Variants in MGAT4C observed in about 807,000 individuals in gnomAD.
The protein encoded by MGAT4C is MGAT4 family member C.
MGAT4C carries 19 observed loss-of-function variants against 40.1 expected under a neutral mutation model. The ratio of observed to expected loss-of-function variants is 0.47; its 90% CI spans 0.33 to 0.70. The LOEUF is 0.70. Ranked by LOEUF, MGAT4C falls within the 30% of genes least tolerant of loss-of-function variation. The probability of loss-of-function intolerance (pLI) is 0.02; values close to 1 mark genes in which losing one functional copy is unlikely to be tolerated. For synonymous variants in MGAT4C, 181 were observed against 187.1 expected, an observed-to-expected ratio of 0.97 and a Z score of 0.27; for missense variants, 491 against 563.2, an observed-to-expected ratio of 0.87 and a Z score of 1.30.
At chr12:86,292,954 T>C (rs1047815697) in intron 4 of MGAT4C, among the ~76,000 whole-genome samples, 2 of 152,122 alleles carry the variant, frequency 1.3e-5, no homozygotes, top group Non-Finnish European at 2.9e-5. Flanking sequence ...CTAGTTCATA[T>C]GTAATTTGAC....
chr12:86,230,067 G>A lies in MGAT4C; in HGVS notation c.-57+26172C>T, dbSNP rs559054565. On this transcript the variant is annotated intron_variant, in intron 1 of 4. Transcript: ENST00000611864. ...CCAGTAGAATGCAAGGTACACAAAA[G>A]GCAAGGATTCAGTTGGCTTTATGTA... Among the ~76,000 whole-genome samples, 451 of 152,082 alleles carry A rather than the reference G, an allele frequency of 3.0e-3. 2 individuals are homozygous for A. Among genetic ancestry groups the A allele is most frequent in the African/African-American group, 0.01 (431 of 41,524 alleles).
intron 1 of MGAT4C, among the ~76,000 whole-genome samples, chr12:86,146,856 A>G (rs772642776): frequency 6.6e-6 from 1 of 151,852 alleles, no homozygotes; most frequent in Non-Finnish European, 1.5e-5. Context: ...CCAGATTATA[A>G]CATGTACTTT....
chr12:86,315,364 C>G (rs1954180815), intron 4 of MGAT4C, among the ~76,000 whole-genome samples: 1 of 152,098 alleles, frequency 6.6e-6, no homozygotes, highest in African/African-American at 2.4e-5. Context: ...AAAAATAACT[C>G]AAGATGGAAT....
rs192255840 is a variant in MGAT4C at position 85,983,612 on chromosome 12, T to C, written c.206A>G (p.Tyr69Cys). 2.5e-6 allele frequency: 4 copies of C among 1,596,734 alleles called. No homozygotes were observed. The highest frequency in any genetic ancestry group is 3.4e-6 in the Non-Finnish European group (4 of 1,171,766). ...AGATAAATCCTTGAAAGTATGAACA[T>C]AGCGTTCTGAATTCAGTTGATGTGT... is the stretch of plus-strand genomic sequence containing the variant. ...TSTHQLNSER[Y>C]VHTFKDLSNF... Residue 69 changes from tyrosine to cysteine, a missense_variant, in exon 4 of 5, where the codon TAT (tyrosine) becomes TGT (cysteine). Tyr to Cys is a radical substitution (Grantham distance 194). Coordinates refer to ENST00000611864, the MANE Select transcript of MGAT4C (RefSeq NM_001351288.2).
chr12:86,488,339 A>T (rs1421101352), intron 2 of MGAT4C, among the ~76,000 whole-genome samples: 5 of 151,538 alleles, frequency 3.3e-5, no homozygotes, highest in African/African-American at 1.2e-4. Flanking sequence ...AGGCAAGAGT[A>T]TCGCTTCAGC....
intron 2 of MGAT4C, among the ~76,000 whole-genome samples, chr12:86,560,935 T>C (rs556730702): frequency 6.6e-6 from 1 of 152,214 alleles, no homozygotes; most frequent in African/African-American, 2.4e-5. Flanking sequence ...TTAGAATGGA[T>C]CAGTGAATAC....
chr12:86,549,574 C>T (rs1959247303), intron 2 of MGAT4C, among the ~76,000 whole-genome samples: 1 of 152,004 alleles, frequency 6.6e-6, no homozygotes, highest in African/African-American at 2.4e-5. Context: ...TTTCTCATCC[C>T]CAAACATTTT....
intron 2 of MGAT4C, among the ~76,000 whole-genome samples, chr12:86,623,303 A>G (rs1008068475): frequency 1.3e-5 from 2 of 152,206 alleles, no homozygotes; most frequent in Non-Finnish European, 2.9e-5. Context: ...GTCTTTGTTT[A>G]GGAAAATTAC....
intron 3 of MGAT4C, among the ~76,000 whole-genome samples, chr12:86,343,471 C>T (rs1434065232): frequency 2.6e-5 from 4 of 151,934 alleles, no homozygotes; most frequent in Non-Finnish European, 5.9e-5. Context: ...TTTAACAAAA[C>T]CTATTGGAAA....
chr12:86,441,456 T>C (rs1336058862), intron 2 of MGAT4C, among the ~76,000 whole-genome samples: 2 of 151,610 alleles, frequency 1.3e-5, no homozygotes, highest in African/African-American at 2.4e-5. Flanking sequence ...CATTAACTCA[T>C]CATTAACATT....
intron 4 of MGAT4C, among the ~76,000 whole-genome samples, chr12:86,306,859 G>A (rs1953945615): frequency 7.1e-6 from 1 of 141,782 alleles, no homozygotes; most frequent in African/African-American, 2.7e-5. Context: ...GATAAAGAAA[G>A]TATAGTACAA....
intron 1 of MGAT4C, among the ~76,000 whole-genome samples, chr12:86,132,534 C>T (rs1253495908): frequency 1.3e-5 from 2 of 152,106 alleles, no homozygotes; most frequent in African/African-American, 4.8e-5. Flanking sequence ...TGGCTCACGC[C>T]TGTAATCCCA....
intron 2 of MGAT4C, among the ~76,000 whole-genome samples, chr12:86,643,024 C>G (rs576424328): frequency 1.3e-5 from 2 of 151,782 alleles, no homozygotes; most frequent in East Asian, 2.0e-4. Context: ...TAGGCATATA[C>G]TTTTCTGAGT....
At chr12:86,646,854 T>C (rs1963554863) in intron 2 of MGAT4C, among the ~76,000 whole-genome samples, 1 of 151,880 alleles carries the variant, frequency 6.6e-6, no homozygotes, top group South Asian at 2.1e-4. Context: ...ATGTATGGGG[T>C]AGAATATTAT....
At chr12:86,373,738 C>T (rs75943766) in intron 3 of MGAT4C, among the ~76,000 whole-genome samples, 1 of 151,054 alleles carries the variant, frequency 6.6e-6, no homozygotes, top group African/African-American at 2.4e-5. Context: ...AGCTGCGAAA[C>T]ACAGTGAAGG....
chr12:86,352,957 T>G (rs1455175932), intron 3 of MGAT4C, among the ~76,000 whole-genome samples: 1 of 151,452 alleles, frequency 6.6e-6, no homozygotes, highest in Non-Finnish European at 1.5e-5. Context: ...ACATGGCACA[T>G]GTATACATAT....
At chr12:86,558,927 A>G (rs1008765254) in intron 2 of MGAT4C, among the ~76,000 whole-genome samples, 45 of 152,100 alleles carry the variant, frequency 3.0e-4, no homozygotes, top group African/African-American at 1.1e-3. Flanking sequence ...TATAAACAGA[A>G]TGGATAAAAA....
chr12:86,036,056 C>T lies in MGAT4C; in HGVS notation c.-7+13618G>A, dbSNP rs573936638. Among the ~76,000 whole-genome samples, 41 of 150,022 alleles carry T rather than the reference C, an allele frequency of 2.7e-4. 2 individuals carry two copies. The highest frequency in any genetic ancestry group is 4.2e-4 in the Non-Finnish European group (28 of 66,836). The stretch of plus-strand genomic sequence containing the variant: ...TTGGTTTAAAATTGTCTTGGATATG[C>T]AGACTCTTTTTTGGTTCCATATGAA... On this transcript the variant is annotated intron_variant, in intron 2 of 4. Coordinates refer to ENST00000611864, the MANE Select transcript of MGAT4C (RefSeq NM_001351288.2).
At chr12:86,107,849 T>G (rs1210204774) in intron 1 of MGAT4C, among the ~76,000 whole-genome samples, 1 of 152,122 alleles carries the variant, frequency 6.6e-6, no homozygotes, top group Non-Finnish European at 1.5e-5. Context: ...TTTTATATAT[T>G]TTTAAAATGT....
Sources: gnomAD v4.1 joint callset for allele counts (sites outside exome capture counted in the v4.1 genomes callset) on GRCh38, gnomAD v4.1.1 for gene constraint, MANE v1.5 for transcripts, NCBI Gene and HGNC (gene_info 2026-07-23, HGNC 2026-07-21) for gene names.